FRMPD4: variants seen among roughly 807,000 people sequenced by gnomAD.
FRMPD4 encodes FERM and PDZ domain-containing protein 4.
In FRMPD4, 22 loss-of-function variants were observed where a neutral mutation model predicts 94.1. The ratio of observed to expected loss-of-function variants is 0.23; its 90% confidence interval spans 0.17 to 0.33. The LOEUF (loss-of-function observed/expected upper bound fraction) is 0.33. FRMPD4 is among the 10% of genes least tolerant of loss of function. The pLI is 1.00. For missense variants in FRMPD4, 1,111 were observed against 1,339.9 expected (o/e 0.83, Z 2.67); for synonymous variants, 631 against 548.6 (o/e 1.15, Z -2.10).
intron 5 of FRMPD4, among the ~76,000 whole-genome samples, chrX:12,682,459 AATTGCCAAT>A (rs2059982338): frequency 8.9e-6 from 1 of 112,483 alleles, no homozygotes; most frequent in Non-Finnish European, 1.9e-5. Context: ...AACCATAGGC[AATTGCCAAT>A]ATTTGACCAT....
chrX:12,451,775 AC>A (rs1427771472), intron 1 of FRMPD4, among the ~76,000 whole-genome samples: 1 of 99,731 alleles, frequency 1.0e-5, no homozygotes, highest in African/African-American at 3.5e-5. Flanking sequence ...AATTCTACTT[AC>A]TTTCCTCTTT....
intron 2 of FRMPD4, among the ~76,000 whole-genome samples, chrX:12,594,767 T>C (rs965663147): frequency 3.6e-5 from 4 of 111,779 alleles, no homozygotes; most frequent in African/African-American, 9.8e-5. Flanking sequence ...AGTTTATTCT[T>C]TCCCTGGGAT....
intron 3 of FRMPD4, among the ~76,000 whole-genome samples, chrX:11,984,690 T>C (rs962354142): frequency 8.9e-6 from 1 of 112,395 alleles, no homozygotes; most frequent in African/African-American, 3.2e-5. Context: ...GCCTCACAAA[T>C]TGATGTGGAT....
At chrX:11,951,559 T>C (rs746838524) in intron 3 of FRMPD4, among the ~76,000 whole-genome samples, 4 of 110,955 alleles carry the variant, frequency 3.6e-5, no homozygotes, top group Non-Finnish European at 5.7e-5. Flanking sequence ...CATGGACACA[T>C]AGAGGGGAAC....
intron 3 of FRMPD4, among the ~76,000 whole-genome samples, chrX:12,072,626 G>T: frequency 8.9e-6 from 1 of 111,782 alleles, no homozygotes; most frequent in Admixed American, 9.5e-5. Context: ...AAAGGTGGCA[G>T]TCAGCTGAAA....
chrX:12,613,624 T>C (rs1323153596), intron 3 of FRMPD4, among the ~76,000 whole-genome samples: 1 of 112,086 alleles, frequency 8.9e-6, no homozygotes, highest in Non-Finnish European at 1.9e-5. Context: ...GGTGGGAGGA[T>C]TGCTTGAGCC....
At chrX:12,610,424 T>C (rs998684966) in intron 3 of FRMPD4, among the ~76,000 whole-genome samples, 2 of 112,710 alleles carry the variant, frequency 1.8e-5, no homozygotes, top group Admixed American at 1.9e-4. Flanking sequence ...CAATTGAGCT[T>C]GTTTCCTGAG....
chrX:11,968,177 T>G (rs972577475), intron 3 of FRMPD4, among the ~76,000 whole-genome samples: 19 of 111,410 alleles, frequency 1.7e-4, no homozygotes, highest in Non-Finnish European at 3.0e-4. Flanking sequence ...TCACCTCCCT[T>G]CACCACAGAT....
intron 3 of FRMPD4, among the ~76,000 whole-genome samples, chrX:11,916,056 G>T (rs138101636): frequency 2.4e-4 from 27 of 111,411 alleles, no homozygotes; most frequent in African/African-American, 8.5e-4. Context: ...AAGCTTCGTG[G>T]GAATGGTGAT....
intron 3 of FRMPD4, among the ~76,000 whole-genome samples, chrX:11,906,668 G>A (rs1181885384): frequency 9.0e-6 from 1 of 110,556 alleles, no homozygotes; most frequent in Non-Finnish European, 1.9e-5. Context: ...CTTTTTAACA[G>A]TCCAACTATG....
chrX:12,610,818 G>A (rs902975143), intron 3 of FRMPD4, among the ~76,000 whole-genome samples: 2 of 109,707 alleles, frequency 1.8e-5, no homozygotes, highest in Non-Finnish European at 3.8e-5. Context: ...ATGAACACAC[G>A]AGGCAGCAAG....
intron 3 of FRMPD4, among the ~76,000 whole-genome samples, chrX:11,904,302 A>T (rs962616040): frequency 2.7e-5 from 3 of 111,925 alleles, no homozygotes; most frequent in African/African-American, 9.7e-5. Flanking sequence ...CATGAAAGGT[A>T]GACCTCATAA....
intron 2 of FRMPD4, among the ~76,000 whole-genome samples, chrX:12,547,734 A>G (rs2058493385): frequency 1.8e-5 from 2 of 112,570 alleles, no homozygotes; most frequent in African/African-American, 6.5e-5. Flanking sequence ...TTTCATCTGC[A>G]TTTCCCACCT....
chrX:12,183,716 T>C (rs763829383), intron 1 of FRMPD4, among the ~76,000 whole-genome samples: 8 of 111,217 alleles, frequency 7.2e-5, no homozygotes, highest in Non-Finnish European at 1.5e-4. Context: ...CTGTCTTCTG[T>C]GGAGACAGCT....
At chrX:11,865,182 C>T (rs2053711399) in exon 2 of FRMPD4, among the ~76,000 whole-genome samples, 1 of 111,917 alleles carries the variant, frequency 8.9e-6, no homozygotes, top group African/African-American at 3.2e-5. Context: ...CCAAACCTTG[C>T]CCTTCCATGT....
At chrX:12,437,865 A>G (rs930864381) in intron 1 of FRMPD4, among the ~76,000 whole-genome samples, 3 of 111,995 alleles carry the variant, frequency 2.7e-5, no homozygotes, top group African/African-American at 9.7e-5. Flanking sequence ...TAGTCATACT[A>G]TTCATTCAGT....
intron 1 of FRMPD4, among the ~76,000 whole-genome samples, chrX:12,450,341 T>C (rs2057250829): frequency 9.0e-6 from 1 of 111,233 alleles, no homozygotes; most frequent in African/African-American, 3.3e-5. Flanking sequence ...GGACAAGGCT[T>C]GGTTGGACAC....
At position 12,138,706 on chromosome X, in the gene FRMPD4, G is replaced by A. The variant is rs757380355; in HGVS notation, c.-266G>A. 56 of 302,846 alleles carry A rather than the reference G, an allele frequency of 1.8e-4. No individual in the cohort carries two copies. In the Admixed American group the frequency reaches 2.2e-3, roughly 12 times the overall value. The allele number at this position is 302,846 out of a possible 1,213,427, so 25.0% of individuals were successfully genotyped here. ...TCCCCGCCCCCGCCTCTTGCGCCCT[G>A]CCTGGCTCCCTCTCCATTGAGTTTT... On this transcript the variant is annotated 5_prime_UTR_variant, in exon 1 of 17. Coordinates refer to ENST00000675598, the MANE Select transcript of FRMPD4 (RefSeq NM_001368397.1).
chrX:11,851,961 A>C (rs1043373662), intron 1 of FRMPD4, among the ~76,000 whole-genome samples: 1 of 109,954 alleles, frequency 9.1e-6, no homozygotes, highest in African/African-American at 3.3e-5. Context: ...AAAAAAAAAA[A>C]AAAAAACCTC....
Sources: gnomAD v4.1 joint callset for allele counts (sites outside exome capture counted in the v4.1 genomes callset) on GRCh38, gnomAD v4.1.1 for gene constraint, MANE v1.5 for transcripts, NCBI Gene and HGNC (gene_info 2026-07-23, HGNC 2026-07-21) for gene names.